PLEKHB2: variants seen among roughly 807,000 people sequenced by gnomAD.
The protein encoded by PLEKHB2 is pleckstrin homology domain-containing family B member 2.
Under a neutral mutation model 36.5 loss-of-function variants are expected in PLEKHB2, and 31 were observed. That is an observed-to-expected ratio of 0.85 (90% confidence interval 0.64 to 1.15). The LOEUF is 1.15. Among genes scored for constraint, PLEKHB2 ranks in the 50% most tolerant of loss-of-function variants. The pLI is 0.00. For synonymous variants in PLEKHB2, 119 were observed against 112.0 expected (o/e 1.06, Z -0.39); for missense variants, 262 against 295.3 (o/e 0.89, Z 0.83).
At chr2:131,105,974 C>A (rs1270426178) in intron 1 of PLEKHB2, among the ~76,000 whole-genome samples, 1 of 152,316 alleles carries the variant, frequency 6.6e-6, no homozygotes, top group Non-Finnish European at 1.5e-5. Context: ...TGAGGCTTTA[C>A]CCTCGCGGTG....
In PLEKHB2 at chr2:131,140,218, G is replaced by C. The variant is rs143964327; in HGVS notation, c.475G>C (p.Val159Leu). Residue 159 changes from valine to leucine, a missense_variant, in exon 7 of 8, where the codon GTT becomes CTT. Coordinates refer to ENST00000693505, the MANE Select transcript of PLEKHB2 (RefSeq NM_001100623.2). ...YGGAYPPGTQ[V>L]VYAANGQAYA... ...TGGTGCGTACCCGCCAGGAACTCAA[G>C]TTGTCTACGCTGCGAATGGGCAGGC... 1.4e-5 allele frequency: 23 copies of C among 1,613,848 alleles called. No homozygotes were observed. The African/African-American group carries it at 2.0e-4, about 14-fold the overall frequency.
chr2:131,120,676 T>C, intron 1 of PLEKHB2: 1 of 546,048 alleles, frequency 1.8e-6, no homozygotes, highest in East Asian at 3.2e-5. Flanking sequence ...TTTATGTTTG[T>C]TGAGTGGTGT....
intron 7 of PLEKHB2, among the ~76,000 whole-genome samples, chr2:131,145,604 G>T (rs376318827): frequency 5.3e-5 from 8 of 152,106 alleles, no homozygotes; most frequent in Non-Finnish European, 1.2e-4. Context: ...CAAAGTGCTG[G>T]CATTACAGGT....
intron 2 of PLEKHB2, among the ~76,000 whole-genome samples, chr2:131,124,372 T>G (rs1485445730): frequency 6.6e-6 from 1 of 152,090 alleles, no homozygotes; most frequent in Admixed American, 6.5e-5. Context: ...TGGGATGAGA[T>G]GTACAGGAAC....
At chr2:131,122,114 C>T (rs557501392) in intron 2 of PLEKHB2, among the ~76,000 whole-genome samples, 17 of 152,174 alleles carry the variant, frequency 1.1e-4, no homozygotes, top group African/African-American at 2.4e-4. Context: ...AGCCTGGTCT[C>T]GAACTCCTGA....
intron 4 of PLEKHB2, among the ~76,000 whole-genome samples, chr2:131,129,534 C>T (rs1006636044): frequency 4.6e-5 from 7 of 151,952 alleles, no homozygotes; most frequent in African/African-American, 1.5e-4. Context: ...GATGGAGTTT[C>T]GCTCTTGTTG....
chr2:131,110,317 G>GT (rs781526594), intron 1 of PLEKHB2, among the ~76,000 whole-genome samples: 4,811 of 129,354 alleles, frequency 0.037, 158 homozygotes, highest in African/African-American at 0.091. Context: ...AGTCTGGACT[G>GT]TTTTTTTTTT....
At chr2:131,126,178 A>AT (rs1697082945) in intron 3 of PLEKHB2, among the ~76,000 whole-genome samples, 1 of 152,108 alleles carries the variant, frequency 6.6e-6, no homozygotes, top group African/African-American at 2.4e-5. Flanking sequence ...GACTACGTTG[A>AT]TTTTGTACTC....
chr2:131,143,948 C>T (rs540860503), intron 7 of PLEKHB2, among the ~76,000 whole-genome samples: 2 of 152,200 alleles, frequency 1.3e-5, no homozygotes, highest in Non-Finnish European at 2.9e-5. Context: ...AGCACTCTCA[C>T]AGGCAGTACT....
chr2:131,129,237 A>C (rs938184265), intron 4 of PLEKHB2, among the ~76,000 whole-genome samples: 2 of 146,220 alleles, frequency 1.4e-5, no homozygotes, highest in Non-Finnish European at 3.0e-5. Context: ...AGGCAGGAGA[A>C]TGGCGTGAAC....
At chr2:131,121,751 G>A (rs563397376) in intron 2 of PLEKHB2, among the ~76,000 whole-genome samples, 33 of 152,186 alleles carry the variant, frequency 2.2e-4, no homozygotes, top group African/African-American at 7.2e-4. Context: ...CAAAACTTTT[G>A]TGTCTCCAAA....
chr2:131,145,870 A>C (rs1699234849), intron 7 of PLEKHB2, among the ~76,000 whole-genome samples: 1 of 152,050 alleles, frequency 6.6e-6, no homozygotes, highest in Non-Finnish European at 1.5e-5. Flanking sequence ...TTTTTTCTCT[A>C]TAAAGACATG....
chr2:131,131,404 C>T (rs1007020146), intron 5 of PLEKHB2, among the ~76,000 whole-genome samples: 1 of 152,204 alleles, frequency 6.6e-6, no homozygotes, highest in Non-Finnish European at 1.5e-5. Flanking sequence ...GTGAAACAAA[C>T]ATTTTTGTGA....
intron 6 of PLEKHB2, among the ~76,000 whole-genome samples, chr2:131,134,352 T>C (rs1386027191): frequency 6.6e-6 from 1 of 152,178 alleles, no homozygotes; most frequent in Non-Finnish European, 1.5e-5. Flanking sequence ...TTATTGGCTT[T>C]TCCTTTTCTC....
At chr2:131,111,904 T>C (rs2104780651) in intron 1 of PLEKHB2, among the ~76,000 whole-genome samples, 1 of 152,336 alleles carries the variant, frequency 6.6e-6, no homozygotes, top group East Asian at 1.9e-4. Flanking sequence ...GTCTAGATTT[T>C]TCTCCAGTGT....
chr2:131,115,198 C>G (rs1371788784), intron 1 of PLEKHB2, among the ~76,000 whole-genome samples: 1 of 152,122 alleles, frequency 6.6e-6, no homozygotes, highest in Non-Finnish European at 1.5e-5. Context: ...GAGACTTATT[C>G]ACTACCATGA....
At chr2:131,142,966 G>A (rs1022957921) in intron 7 of PLEKHB2, among the ~76,000 whole-genome samples, 16 of 152,050 alleles carry the variant, frequency 1.1e-4, no homozygotes, top group African/African-American at 3.6e-4. Context: ...CCGATGGTGC[G>A]AAAACAATGT....
At chr2:131,116,009 A>G (rs867931917) in intron 1 of PLEKHB2, among the ~76,000 whole-genome samples, 4 of 152,224 alleles carry the variant, frequency 2.6e-5, no homozygotes, top group Non-Finnish European at 4.4e-5. Flanking sequence ...GAGGAGAGGT[A>G]GACAGGATGA....
At chr2:131,129,277 A>G (rs572952449) in intron 4 of PLEKHB2, among the ~76,000 whole-genome samples, 28 of 139,722 alleles carry the variant, frequency 2.0e-4, no homozygotes, top group Non-Finnish European at 2.0e-4. Context: ...GTGAGCCAAG[A>G]TCACACCACT....
Sources: allele counts gnomAD v4.1 joint callset (sites outside exome capture counted in the v4.1 genomes callset), GRCh38; gene constraint gnomAD v4.1.1; transcripts MANE v1.5; gene names NCBI Gene and HGNC (gene_info 2026-07-23, HGNC 2026-07-21).